ARHGEF37: variants seen among roughly 807,000 people sequenced by gnomAD.
ARHGEF37 encodes the protein Rho guanine nucleotide exchange factor (GEF) 37.
In ARHGEF37, 55 loss-of-function variants were observed where a neutral mutation model predicts 71.1. The observed-to-expected ratio is 0.77, with a 90% CI of 0.62 to 0.97. The LOEUF is 0.97. Among genes scored for constraint, ARHGEF37 ranks in the 50% least tolerant of loss-of-function variants. The pLI is 0.00. For missense variants in ARHGEF37, 765 were observed against 836.8 expected (o/e 0.91, Z 1.06); for synonymous variants, 327 against 350.6 (o/e 0.93, Z 0.75).
chr5:149,606,813 C>G (rs6579746), intron 3 of ARHGEF37: 51,355 of 152,152 alleles, frequency 0.34, 10,754 homozygotes, highest in Non-Finnish European at 0.47. Flanking sequence ...CTTCCTGCAA[C>G]CATCAGAATA....
intron 9 of ARHGEF37, among the ~76,000 whole-genome samples, chr5:149,622,713 G>T (rs539751054): frequency 6.6e-6 from 1 of 152,146 alleles, no homozygotes; most frequent in African/African-American, 2.4e-5. Context: ...AGGAGCTACC[G>T]GCTGAAAGCA....
chr5:149,610,657 T>C (rs1331463677), intron 4 of ARHGEF37, among the ~76,000 whole-genome samples: 3 of 152,204 alleles, frequency 2.0e-5, no homozygotes, highest in African/African-American at 7.2e-5. Context: ...TTATTCATCC[T>C]TCATGGGTCT....
upstream of ARHGEF37, among the ~76,000 whole-genome samples, chr5:149,576,622 C>T (rs1580886709): frequency 2.0e-5 from 3 of 152,296 alleles, no homozygotes; most frequent in Middle Eastern, 3.4e-3. Context: ...AGCCACCACG[C>T]CCGGCCAACC....
upstream of ARHGEF37, among the ~76,000 whole-genome samples, chr5:149,579,664 C>T (rs966334909): frequency 2.6e-5 from 4 of 152,136 alleles, no homozygotes; most frequent in Non-Finnish European, 5.9e-5. Context: ...TCACTGCAAC[C>T]TCTGCCTCCA....
At chr5:149,609,877 GT>G (rs1427091593) in intron 4 of ARHGEF37, among the ~76,000 whole-genome samples, 182 bp downstream of exon 4, 1 of 152,234 alleles carries the variant, frequency 6.6e-6, no homozygotes, top group African/African-American at 2.4e-5. Context: ...CATCTCAGTG[GT>G]TTCAAACAAC....
chr5:149,612,646 A>G (rs556657046), intron 4 of ARHGEF37, among the ~76,000 whole-genome samples: 34 of 152,302 alleles, frequency 2.2e-4, no homozygotes, highest in African/African-American at 7.9e-4. Flanking sequence ...GCCTTTGTTC[A>G]GTTTCTGAAT....
At chr5:149,567,121 A>G (rs1266182130) in intron 1 of ARHGEF37, among the ~76,000 whole-genome samples, 1 of 152,140 alleles carries the variant, frequency 6.6e-6, no homozygotes, top group African/African-American at 2.4e-5. Context: ...ATTTCCTTCA[A>G]TCTGGAATTT....
In ARHGEF37 at chr5:149,597,789, A is replaced by T. The variant is rs371788725; in HGVS notation, c.20A>T (p.Asp7Val). The T allele has an allele frequency of 1.9e-6, 3 of 1,568,926 alleles. No homozygotes were observed. In the African/African-American group the frequency reaches 4.1e-5, roughly 22 times the overall value. ...GCTGACATGGCCAAGCATGGAGCCG[A>T]CGAGCCATCCTCCAGGTCAGGGAGT... MAKHGADEPSSRSGSPD... is the reference protein window; with the variant it reads MAKHGAVEPSSRSGSPD... Residue 7 changes from aspartate (D) to valine (V), a missense_variant, in exon 2 of 13, where the codon GAC (aspartate) becomes GTC (valine). By Grantham distance (152) the Asp-to-Val change is radical. Around this residue, in one of 5 missense-constraint regions of ARHGEF37, gnomAD observed 201 missense variants for 217.5 expected, o/e 0.92. Transcript: ENST00000333677.
At chr5:149,624,900 G>GTTT (rs70973533) in intron 10 of ARHGEF37, among the ~76,000 whole-genome samples, 59,944 of 133,806 alleles carry the variant, frequency 0.45, 15,320 homozygotes, top group Middle Eastern at 0.63. Flanking sequence ...ATGCTTTTGG[G>GTTT]TTTTTTTTTT....
intron 1 of ARHGEF37, among the ~76,000 whole-genome samples, chr5:149,595,980 GA>G (rs1389776532): frequency 1.4e-5 from 2 of 140,824 alleles, no homozygotes; most frequent in Non-Finnish European, 3.1e-5. Context: ...CCATTTCACA[GA>G]AGTCCTTGTG....
At chr5:149,596,486 G>A (rs898555383) in intron 1 of ARHGEF37, among the ~76,000 whole-genome samples, 6 of 152,246 alleles carry the variant, frequency 3.9e-5, no homozygotes, top group Middle Eastern at 3.4e-3. Context: ...TGTATTTTGA[G>A]TAGAAATGCG....
chr5:149,599,518 C>T (rs2113313096), intron 2 of ARHGEF37, among the ~76,000 whole-genome samples: 1 of 151,336 alleles, frequency 6.6e-6, no homozygotes, highest in South Asian at 2.1e-4. Context: ...CTCAAGTGAT[C>T]CTCCCATCTC....
chr5:149,613,969 G>A (rs1233373530), intron 4 of ARHGEF37, among the ~76,000 whole-genome samples: 1 of 151,558 alleles, frequency 6.6e-6, no homozygotes, highest in Non-Finnish European at 1.5e-5. Context: ...TCTCTATGTT[G>A]CCCAGGCTGG....
intron 1 of ARHGEF37, among the ~76,000 whole-genome samples, chr5:149,565,917 T>C (rs528837508): frequency 4.8e-5 from 7 of 145,368 alleles, no homozygotes; most frequent in African/African-American, 1.7e-4. Context: ...TGGTGCGATC[T>C]CTGCTCACTG....
Position 149,602,265 on chromosome 5 carries a change from C to T in ARHGEF37, c.310+1034C>T, listed in dbSNP as rs150034141. 2.7e-3 allele frequency among the ~76,000 whole-genome samples: 415 copies of T among 152,194 alleles called. 2 individuals carry two copies. The highest frequency in any genetic ancestry group is 9.8e-3 in the African/African-American group (409 of 41,528). On this transcript the variant is annotated intron_variant, in intron 3 of 12. Transcript: ENST00000333677. ...AGAGACAGGGTTTCACCGTATTGGT[C>T]AGACTTGTCTTGAACTCATGACCTC...
chr5:149,584,000 TCCTC>T (rs965408838), intron 1 of ARHGEF37, among the ~76,000 whole-genome samples: 9 of 151,868 alleles, frequency 5.9e-5, no homozygotes, highest in Non-Finnish European at 1.2e-4. Flanking sequence ...ATGCCAGTGA[TCCTC>T]CCACCTCAGC....
chr5:149,627,379 C>T (rs1365969210), intron 11 of ARHGEF37, 108 bp downstream of exon 11: 3 of 1,284,920 alleles, frequency 2.3e-6, no homozygotes, highest in Non-Finnish European at 3.2e-6. Flanking sequence ...CTGGGCATTC[C>T]AGGATGGGAG....
intron 1 of ARHGEF37, among the ~76,000 whole-genome samples, chr5:149,576,166 G>A (rs1763027400): frequency 6.6e-6 from 1 of 152,228 alleles, no homozygotes; most frequent in Admixed American, 6.5e-5. Flanking sequence ...AATCTCCTGA[G>A]CCTGGGAAGC....
At chr5:149,620,267 C>A in intron 7 of ARHGEF37, 87 bp from the exon 8 acceptor site, 2 of 942,618 alleles carry the variant, frequency 2.1e-6, no homozygotes, top group Non-Finnish European at 3.2e-6. Flanking sequence ...GCCTGGAAAA[C>A]CTCTTCAAGG....
Sources: allele counts gnomAD v4.1 joint callset (sites outside exome capture counted in the v4.1 genomes callset), GRCh38; gene constraint gnomAD v4.1.1; regional missense constraint gnomAD v4.1.1; transcripts MANE v1.5; gene names NCBI Gene and HGNC (gene_info 2026-07-23, HGNC 2026-07-21).